CUL1: variants seen among roughly 807,000 people sequenced by gnomAD.
CUL1 encodes cullin-1.
A neutral mutation model predicts 118.0 loss-of-function variants in CUL1; 24 were observed. The observed-to-expected ratio is 0.20, with a 90% CI of 0.15 to 0.29. The LOEUF (loss-of-function observed/expected upper bound fraction) is 0.29, where lower values mean the gene tolerates loss of function less well. Ranked by LOEUF, CUL1 falls within the 10% of genes least tolerant of loss-of-function variation. CUL1 has a pLI of 1.00. For missense variants in CUL1, 361 were observed against 933.8 expected, an observed-to-expected ratio of 0.39 and a Z score of 7.99; for synonymous variants, 332 against 340.4, an observed-to-expected ratio of 0.98 and a Z score of 0.27.
intron 9 of CUL1, among the ~76,000 whole-genome samples, chr7:148,773,741 C>T (rs1800301302): frequency 6.6e-6 from 1 of 152,202 alleles, no homozygotes; most frequent in Admixed American, 6.5e-5. Context: ...TTCTTAGAGA[C>T]AGTCCTTCTT....
At position 148,797,806 on chromosome 7, in the gene CUL1, T is replaced by C. The variant is rs1328371886; in HGVS notation, c.1900-6T>C. On this transcript the variant is annotated splice_region_variant and splice_polypyrimidine_tract_variant and intron_variant, in intron 17 of 21. Transcript: ENST00000325222. ...TTTAACTTCCTCTTTTTCTCTTTAA[T>C]TGCAGGACATTTTGGCGCAAGTTTT... is the stretch of plus-strand genomic sequence containing the variant. 4.3e-6 allele frequency: 7 copies of C among 1,612,614 alleles called. No individual in the cohort carries two copies. The highest frequency in any genetic ancestry group is 5.9e-6 in the Non-Finnish European group (7 of 1,179,104).
At chr7:148,714,801 C>A (rs1365971306) in intron 1 of CUL1, among the ~76,000 whole-genome samples, 1 of 152,198 alleles carries the variant, frequency 6.6e-6, no homozygotes, top group African/African-American at 2.4e-5. Context: ...GGGTTGCATA[C>A]CTCCAGCTGA....
At chr7:148,712,609 T>C (rs571346113) in intron 1 of CUL1, among the ~76,000 whole-genome samples, 1 of 152,362 alleles carries the variant, frequency 6.6e-6, no homozygotes, top group South Asian at 2.1e-4. Flanking sequence ...CCCTTTATAG[T>C]AGTGTTAACA....
intron 2 of CUL1, among the ~76,000 whole-genome samples, chr7:148,750,838 A>G (rs1799466650): frequency 6.6e-6 from 1 of 152,038 alleles, no homozygotes; most frequent in Non-Finnish European, 1.5e-5. Context: ...CAATGTGGTG[A>G]CCCGTGCCTG....
At chr7:148,791,508 G>A (rs527374152) in intron 16 of CUL1, among the ~76,000 whole-genome samples, 7 of 152,342 alleles carry the variant, frequency 4.6e-5, no homozygotes, top group Non-Finnish European at 1.0e-4. Flanking sequence ...AAGAATCCAT[G>A]TGTTCCACTA....
At chr7:148,796,238 C>G (rs971320650) in intron 17 of CUL1, among the ~76,000 whole-genome samples, 2 of 152,160 alleles carry the variant, frequency 1.3e-5, no homozygotes, top group African/African-American at 4.8e-5. Context: ...TCTACTCTGT[C>G]AAAATAACTG....
At chr7:148,752,710 A>G (rs1204162921) in intron 2 of CUL1, among the ~76,000 whole-genome samples, 1 of 152,092 alleles carries the variant, frequency 6.6e-6, no homozygotes, top group Non-Finnish European at 1.5e-5. Context: ...GTGCAGTGGC[A>G]TGATCTCAGC....
intron 7 of CUL1, among the ~76,000 whole-genome samples, chr7:148,764,645 AGTG>A (rs1199143217): frequency 1.3e-5 from 2 of 152,230 alleles, no homozygotes; most frequent in Non-Finnish European, 2.9e-5. Flanking sequence ...AAACAGAAAA[AGTG>A]GTGCTGTTTG....
At chr7:148,788,147 C>T (rs568951409) in intron 13 of CUL1, among the ~76,000 whole-genome samples, 2 of 152,192 alleles carry the variant, frequency 1.3e-5, no homozygotes, top group Admixed American at 1.3e-4. Flanking sequence ...ATTGTGAGGC[C>T]CCATGCTCAA....
chr7:148,749,703 A>G (rs1799424501), intron 2 of CUL1, among the ~76,000 whole-genome samples: 1 of 152,140 alleles, frequency 6.6e-6, no homozygotes, highest in Admixed American at 6.5e-5. Flanking sequence ...GATAACCCCC[A>G]CAATGGCTTC....
chr7:148,792,299 T>C (rs1479624683), intron 16 of CUL1, among the ~76,000 whole-genome samples: 1 of 152,248 alleles, frequency 6.6e-6, no homozygotes, highest in East Asian at 1.9e-4. Context: ...AATTTGATAT[T>C]TGTGTTGTTT....
At chr7:148,745,837 T>A (rs1259822742) in intron 2 of CUL1, among the ~76,000 whole-genome samples, 1 of 152,300 alleles carries the variant, frequency 6.6e-6, no homozygotes, top group African/African-American at 2.4e-5. Flanking sequence ...CATTCTGGCT[T>A]GTTCTTCAGT....
intron 2 of CUL1, among the ~76,000 whole-genome samples, chr7:148,748,380 A>C (rs958058366): frequency 1.3e-5 from 2 of 152,220 alleles, no homozygotes; most frequent in African/African-American, 4.8e-5. Context: ...TCCAACCGAA[A>C]GGTATAATAA....
intron 10 of CUL1, 28 bp downstream of exon 10, chr7:148,783,918 T>C: frequency 6.2e-7 from 1 of 1,613,514 alleles, no homozygotes; most frequent in Non-Finnish European, 8.5e-7. Context: ...GTGACTTGCC[T>C]GTAGTATGTA....
At chr7:148,776,237 C>T (rs868413905) in intron 9 of CUL1, among the ~76,000 whole-genome samples, 23 of 143,088 alleles carry the variant, frequency 1.6e-4, no homozygotes, top group African/African-American at 5.5e-4. Context: ...CGCCATGAGA[C>T]GAAGAGAATA....
intron 1 of CUL1, among the ~76,000 whole-genome samples, chr7:148,727,560 G>A (rs1178478553): frequency 6.6e-6 from 1 of 152,182 alleles, no homozygotes; most frequent in Non-Finnish European, 1.5e-5. Flanking sequence ...AAAGAAACAA[G>A]TGCAGGTTTA....
At chr7:148,792,884 G>T in intron 17 of CUL1, 66 bp downstream of exon 17, 1 of 1,137,798 alleles carries the variant, frequency 8.8e-7, no homozygotes, top group Non-Finnish European at 1.3e-6. Flanking sequence ...GATATTGTTA[G>T]GAAAGATAAG....
At chr7:148,788,499 T>C (rs1800894610) in intron 13 of CUL1, 58 bp from the exon 14 acceptor site, 1 of 1,062,806 alleles carries the variant, frequency 9.4e-7, no homozygotes, top group South Asian at 1.3e-5. Context: ...TAAGATTCCC[T>C]TGTATACATT....
At chr7:148,795,201 A>G (rs1801144128) in intron 17 of CUL1, among the ~76,000 whole-genome samples, 1 of 151,512 alleles carries the variant, frequency 6.6e-6, no homozygotes, top group Admixed American at 6.6e-5. Context: ...GCTGGAGTGC[A>G]ATGGTGCAGT....
Sources: gnomAD v4.1 joint callset for allele counts (sites outside exome capture counted in the v4.1 genomes callset) on GRCh38, gnomAD v4.1.1 for gene constraint, MANE v1.5 for transcripts, NCBI Gene and HGNC (gene_info 2026-07-23, HGNC 2026-07-21) for gene names.